Variants in LRRTM4 observed in about 807,000 individuals in gnomAD.
LRRTM4 encodes the protein leucine-rich repeat transmembrane neuronal protein 4.
LRRTM4 carries 25 observed loss-of-function variants against 47.6 expected under a neutral mutation model. The ratio of observed to expected loss-of-function variants is 0.53; its 90% confidence interval spans 0.38 to 0.73. The LOEUF is 0.73. Ranked by LOEUF, LRRTM4 falls within the 30% of genes least tolerant of loss-of-function variation. The pLI, the probability that LRRTM4 is intolerant of heterozygous loss-of-function variation, is 0.00. For synonymous variants in LRRTM4, 311 were observed against 269.5 expected (o/e 1.15, Z -1.51); for missense variants, 638 against 713.4 (o/e 0.89, Z 1.20).
At chr2:77,153,602 T>C (rs1236956260) in intron 3 of LRRTM4, among the ~76,000 whole-genome samples, 1 of 152,236 alleles carries the variant, frequency 6.6e-6, no homozygotes, top group Non-Finnish European at 1.5e-5. Context: ...TTTTATTTCA[T>C]GATGAGATAT....
intron 3 of LRRTM4, among the ~76,000 whole-genome samples, chr2:76,880,819 T>C (rs1241591325): frequency 6.6e-6 from 1 of 152,154 alleles, no homozygotes; most frequent in Non-Finnish European, 1.5e-5. Context: ...GGCTTATTAA[T>C]AAGCAAACAA....
chr2:77,369,877 G>A (rs899941721), intron 3 of LRRTM4, among the ~76,000 whole-genome samples: 5 of 151,654 alleles, frequency 3.3e-5, no homozygotes, highest in Non-Finnish European at 7.4e-5. Context: ...TCTAAACATA[G>A]AAAAGGTACA....
At chr2:77,066,504 C>G (rs1679960679) in intron 3 of LRRTM4, among the ~76,000 whole-genome samples, 1 of 152,132 alleles carries the variant, frequency 6.6e-6, no homozygotes, top group East Asian at 1.9e-4. Context: ...CTAAGACACA[C>G]AAAAACCCGT....
chr2:77,485,732 T>A (rs559335060), intron 3 of LRRTM4, among the ~76,000 whole-genome samples: 1 of 152,122 alleles, frequency 6.6e-6, no homozygotes, highest in African/African-American at 2.4e-5. Flanking sequence ...GGGATGACAC[T>A]ATTATTACTA....
intron 3 of LRRTM4, among the ~76,000 whole-genome samples, chr2:77,085,378 C>CT (rs11393823): frequency 0.22 from 30,313 of 139,582 alleles, 3,306 homozygotes; most frequent in African/African-American, 0.29. Flanking sequence ...CAATCCCTCA[C>CT]TTTTTTTTTT....
intron 3 of LRRTM4, among the ~76,000 whole-genome samples, chr2:77,217,067 T>C (rs1468261128): frequency 7.6e-6 from 1 of 131,970 alleles, no homozygotes; most frequent in Non-Finnish European, 1.5e-5. Flanking sequence ...AGTGAGACTC[T>C]GTCAAAAAAA....
At chr2:77,408,757 A>G (rs1476469993) in intron 3 of LRRTM4, among the ~76,000 whole-genome samples, 1 of 152,184 alleles carries the variant, frequency 6.6e-6, no homozygotes, top group East Asian at 1.9e-4. Context: ...TATCCCCATT[A>G]GACTAAATTT....
Position 76,748,502 on chromosome 2 carries a change from G to A in LRRTM4, c.*193C>T, listed in dbSNP as rs1672722127. 5.1e-6 allele frequency: 3 copies of A among 586,102 alleles called. No homozygotes were observed. Among genetic ancestry groups the A allele is most frequent in the Admixed American group, 6.2e-5 (2 of 32,246 alleles). The allele number at this position is 586,102 out of a possible 1,614,324, so 36.3% of individuals were successfully genotyped here. ...GCAAAGAAAGTTCTGCAGTCCTCCC[G>A]GTAATGCTGCAGGTGCATTCGCTGC... On this transcript the variant is annotated 3_prime_UTR_variant, in exon 4 of 4. Transcript: ENST00000409884.
chr2:77,091,847 A>G lies in LRRTM4; in HGVS notation c.1552-342931T>C, dbSNP rs1670652240. Among the ~76,000 whole-genome samples the G allele has an allele frequency of 3.4e-5, 5 of 147,126 alleles. No homozygotes were observed. The South Asian group carries it at 1.1e-3, about 32-fold the overall frequency. On this transcript the variant is annotated intron_variant, in intron 3 of 3. Coordinates refer to ENST00000409884, the MANE Select transcript of LRRTM4 (RefSeq NM_001134745.3). ...AAAAACACACGTGCTCTCCCTGCCA[A>G]TCGTGTCCAACTGATCTCTCAAACC...
intron 3 of LRRTM4, among the ~76,000 whole-genome samples, chr2:77,263,058 A>G (rs866359791): frequency 2.4e-4 from 37 of 152,152 alleles, no homozygotes; most frequent in Middle Eastern, 6.8e-3. Flanking sequence ...CAGGGAGGAG[A>G]CAGGGGCTGA....
chr2:77,060,212 A>G (rs997020463), intron 3 of LRRTM4, among the ~76,000 whole-genome samples: 1 of 152,222 alleles, frequency 6.6e-6, no homozygotes, highest in South Asian at 2.1e-4. Flanking sequence ...TATAACATAT[A>G]TACTTAGAAA....
intron 3 of LRRTM4, among the ~76,000 whole-genome samples, chr2:77,050,639 C>G (rs963431454): frequency 2.0e-5 from 3 of 152,160 alleles, no homozygotes; most frequent in African/African-American, 7.2e-5. Context: ...CTCTTAGAAA[C>G]AAACTAGATT....
intron 3 of LRRTM4, among the ~76,000 whole-genome samples, chr2:76,967,452 C>T (rs987154395): frequency 2.0e-5 from 3 of 151,542 alleles, no homozygotes; most frequent in African/African-American, 7.2e-5. Flanking sequence ...CATAAGGTCA[C>T]TCAGTGATCC....
chr2:77,495,754 A>T (rs116443505), intron 3 of LRRTM4, among the ~76,000 whole-genome samples: 2,722 of 152,136 alleles, frequency 0.018, 86 homozygotes, highest in African/African-American at 0.062. Context: ...CTTAATGTCA[A>T]TTCCACATTG....
chr2:76,791,723 G>A (rs1313548666), intron 3 of LRRTM4, among the ~76,000 whole-genome samples: 1 of 152,172 alleles, frequency 6.6e-6, no homozygotes, highest in Non-Finnish European at 1.5e-5. Flanking sequence ...ACTGGTGACA[G>A]AATCGACATG....
chr2:76,816,023 A>G (rs1670886632), intron 3 of LRRTM4, among the ~76,000 whole-genome samples: 2 of 151,814 alleles, frequency 1.3e-5, no homozygotes, highest in Non-Finnish European at 2.9e-5. Flanking sequence ...AATTCCTTAG[A>G]CTCATGTCTC....
chr2:76,861,316 T>A (rs1156499149), intron 3 of LRRTM4, among the ~76,000 whole-genome samples: 3 of 152,156 alleles, frequency 2.0e-5, no homozygotes, highest in Admixed American at 2.0e-4. Flanking sequence ...AAGACTGCAT[T>A]ATTTTTAGTT....
chr2:77,375,161 T>A (rs1672787967), intron 3 of LRRTM4, among the ~76,000 whole-genome samples: 1 of 151,804 alleles, frequency 6.6e-6, no homozygotes, highest in African/African-American at 2.4e-5. Flanking sequence ...GATTTCTGCA[T>A]TTTCAAATTT....
In LRRTM4 at chr2:77,045,244, CAAAAA is replaced by C. The variant is rs1287742668; in HGVS notation, c.1552-296333_1552-296329del. Among the ~76,000 whole-genome samples, 5 of 151,772 alleles carry C rather than the reference CAAAAA, an allele frequency of 3.3e-5. No homozygotes were observed. In the South Asian group the frequency reaches 6.2e-4, roughly 19 times the overall value. The stretch of plus-strand genomic sequence containing the variant: ...TTGTTACAAAACTTTTCAAATCTCA[CAAAAA>C]AAGTAGAGAAAAATCTCACAACAAA... On this transcript the variant is annotated intron_variant, in intron 3 of 3. Transcript: ENST00000409884.
Sources: allele counts gnomAD v4.1 joint callset (sites outside exome capture counted in the v4.1 genomes callset), GRCh38; gene constraint gnomAD v4.1.1; transcripts MANE v1.5; gene names NCBI Gene and HGNC (gene_info 2026-07-23, HGNC 2026-07-21).